The following KIF5B variants were observed in gnomAD, a reference collection of about 807,000 sequenced individuals.
KIF5B encodes kinesin-1 heavy chain.
A neutral mutation model predicts 132.8 loss-of-function variants in KIF5B; 49 were observed. That is an observed-to-expected ratio of 0.37 (90% CI 0.29 to 0.47). KIF5B has a LOEUF of 0.47. Among genes scored for constraint, KIF5B ranks in the 20% least tolerant of loss-of-function variants. KIF5B has a pLI of 1.00. For missense variants in KIF5B, 780 were observed against 1,144.0 expected (o/e 0.68, Z 4.59); for synonymous variants, 355 against 369.4 (o/e 0.96, Z 0.45).
rs1057249826 is a variant in KIF5B at position 32,056,006 on chromosome 10, C to T, written c.-33G>A. 19 of 1,598,148 alleles carry T rather than the reference C, an allele frequency of 1.2e-5. No individual in the cohort carries two copies. In the Admixed American group the frequency reaches 2.3e-4, roughly 20 times the overall value. On this transcript the variant is annotated 5_prime_UTR_variant, in exon 1 of 26. Coordinates refer to ENST00000302418, the MANE Select transcript of KIF5B (RefSeq NM_004521.3). ...GCAGCCGGGGCCGGCGGCCGGGAGC[C>T]ACTCCCCGCCGCTCAGTCTTGCAGG...
intron 1 of KIF5B, among the ~76,000 whole-genome samples, chr10:32,050,751 C>T (rs944567364): frequency 2.6e-5 from 4 of 152,148 alleles, no homozygotes; most frequent in Admixed American, 6.5e-5. Context: ...CATATGTGAA[C>T]GTATCCTTTT....
rs1841065617 is a variant in KIF5B at position 32,010,699 on chromosome 10, A to G, written c.*838T>C. ...TATTAGCTAGCAGGCTCACCAGAATAAAGCAGAGTATTTTAATTCCATCAA... is the reference window on the plus strand; with the variant it reads ...TATTAGCTAGCAGGCTCACCAGAATGAAGCAGAGTATTTTAATTCCATCAA... On this transcript the variant is annotated 3_prime_UTR_variant, in exon 26 of 26. Transcript: ENST00000302418. 1.3e-5 allele frequency: 2 copies of G among 152,230 alleles called. No homozygotes were observed. The highest frequency in any genetic ancestry group is 2.9e-5 in the Non-Finnish European group (2 of 68,018). The allele number at this position is 152,230 out of a possible 1,614,324, so 9.4% of individuals were successfully genotyped here.
At chr10:32,021,343 T>C in intron 17 of KIF5B, 56 bp from the exon 18 acceptor site, 2 of 1,256,318 alleles carry the variant, frequency 1.6e-6, no homozygotes, top group South Asian at 1.2e-5. Context: ...GTTCCTCATA[T>C]AAACCAAGGA....
At chr10:32,022,508 C>T (rs973912227) in intron 16 of KIF5B, among the ~76,000 whole-genome samples, 2 of 152,120 alleles carry the variant, frequency 1.3e-5, no homozygotes, top group Non-Finnish European at 2.9e-5. Context: ...CTAACGTTAC[C>T]ATCTTCCCTC....
intron 13 of KIF5B, among the ~76,000 whole-genome samples, chr10:32,031,665 T>C (rs1841403674): frequency 6.6e-6 from 1 of 151,706 alleles, no homozygotes; most frequent in Admixed American, 6.6e-5. Flanking sequence ...TGCAAATTAA[T>C]GTAATAAAGG....
chr10:32,032,272 G>A (rs1841412448), intron 13 of KIF5B, among the ~76,000 whole-genome samples: 1 of 152,150 alleles, frequency 6.6e-6, no homozygotes, highest in Non-Finnish European at 1.5e-5. Flanking sequence ...TAATGCTATA[G>A]TTGAAATATG....
In KIF5B at chr10:32,048,609, C is replaced by T. The variant is rs558786233; in HGVS notation, c.127-58G>A. 4 of 1,200,050 alleles carry T rather than the reference C, an allele frequency of 3.3e-6. No homozygotes were observed. In the South Asian group the frequency reaches 5.0e-5, roughly 15 times the overall value. The allele number at this position is 1,200,050 out of a possible 1,614,324, so 74.3% of individuals were successfully genotyped here. A position where few individuals can be genotyped will look rare whatever the true frequency, so the allele number is the denominator to read the frequency against. Reference sequence around the variant, plus strand: ...ATTAAAGGTAAATGAACATTTCTAACCTTTACAGATGCCATCATATAATAT... The same window carrying T: ...ATTAAAGGTAAATGAACATTTCTAATCTTTACAGATGCCATCATATAATAT... On this transcript the variant is annotated intron_variant, in intron 1 of 25. Coordinates refer to ENST00000302418, the MANE Select transcript of KIF5B (RefSeq NM_004521.3).
intron 2 of KIF5B, among the ~76,000 whole-genome samples, chr10:32,046,202 A>T (rs1435216339): frequency 6.6e-6 from 1 of 152,158 alleles, no homozygotes; most frequent in African/African-American, 2.4e-5. Flanking sequence ...GTATATTCAA[A>T]TTGCCCATGA....
At position 32,055,867 on chromosome 10, in the gene KIF5B, T is replaced by C; in HGVS notation, c.107A>G (p.Glu36Gly). ...ACTCACCGCGATCACGACCGTGTCT[T>C]CTCCCTGAAACTTGGCGATGTACTT... ...GDKYIAKFQG[E>G]DTVVIASKPY... is the part of the protein sequence containing the mutation. Residue 36 changes from glutamate to glycine, a missense_variant, in exon 1 of 26, where the codon GAA becomes GGA. Physicochemically the swap from Glu to Gly is moderately conservative, Grantham distance 98 (BLOSUM62 -2). This residue lies in a region of KIF5B where 66 missense variants were observed against 83.4 expected (regional missense o/e 0.79). Coordinates refer to ENST00000302418, the MANE Select transcript of KIF5B (RefSeq NM_004521.3). The C allele has an allele frequency of 6.2e-7, 1 of 1,612,790 alleles. No individual in the cohort carries two copies. The highest frequency in any genetic ancestry group is 1.1e-5 in the South Asian group (1 of 91,066).
In KIF5B at chr10:32,035,732, C is replaced by A. The variant is rs3764910; in HGVS notation, c.817-65G>T. The A allele has an allele frequency of 1.5e-5, 22 of 1,484,142 alleles. No homozygotes were observed. The East Asian group carries it at 3.7e-4, about 25-fold the overall frequency. The allele number at this position is 1,484,142 out of a possible 1,614,324, so 91.9% of individuals were successfully genotyped here. A position where few individuals can be genotyped will look rare whatever the true frequency, so the allele number is the denominator to read the frequency against. Reference sequence around the variant, plus strand: ...ATAAAATGTTATTATAAAATAAACTCCCAAAAGACAACTAACTTACACATA... The same window carrying A: ...ATAAAATGTTATTATAAAATAAACTACCAAAAGACAACTAACTTACACATA... On this transcript the variant is annotated intron_variant, in intron 9 of 25. Transcript: ENST00000302418.
intron 19 of KIF5B, among the ~76,000 whole-genome samples, chr10:32,020,658 T>TAG (rs1168725087): frequency 6.6e-6 from 1 of 152,126 alleles, no homozygotes; most frequent in Non-Finnish European, 1.5e-5. Context: ...TCCTGACTTC[T>TAG]AGTGATCCTC....
In KIF5B at chr10:32,031,037, TA is replaced by T. The variant is rs769566008; in HGVS notation, c.1581+35del. 1.2e-4 allele frequency: 166 copies of T among 1,441,172 alleles called. No individual in the cohort carries two copies. In the South Asian group the frequency reaches 1.8e-3, roughly 16 times the overall value. 89.3% of individuals were successfully genotyped at this position (1,441,172 alleles called of 1,614,324 possible). A position where few individuals can be genotyped will look rare whatever the true frequency, so the allele number is the denominator to read the frequency against. ...GTTTTTAGGTTAAGAATACTTGTAC[TA>T]AAGCATTAAAAAAGAAAATAAAACT... On this transcript the variant is annotated intron_variant, in intron 14 of 25. Coordinates refer to ENST00000302418, the MANE Select transcript of KIF5B (RefSeq NM_004521.3).
chr10:32,013,188 C>T (rs1232890866), intron 25 of KIF5B, among the ~76,000 whole-genome samples: 1 of 152,174 alleles, frequency 6.6e-6, no homozygotes, highest in African/African-American at 2.4e-5. Flanking sequence ...GTGTGAGCCA[C>T]TGCTCCCGGC....
intron 1 of KIF5B, among the ~76,000 whole-genome samples, chr10:32,051,591 A>G (rs925217775): frequency 4.6e-5 from 7 of 152,250 alleles, no homozygotes; most frequent in African/African-American, 1.7e-4. Context: ...ACACACAAAC[A>G]TAAAAATAAT....
chr10:32,040,186 T>A (rs1841514143), intron 3 of KIF5B, among the ~76,000 whole-genome samples, 198 bp downstream of exon 3: 2 of 152,166 alleles, frequency 1.3e-5, no homozygotes, highest in Admixed American at 1.3e-4. Context: ...TCAAATATAA[T>A]CTCAAATACA....
At chr10:32,042,728 G>T (rs111960528) in intron 2 of KIF5B, among the ~76,000 whole-genome samples, 29 of 152,240 alleles carry the variant, frequency 1.9e-4, no homozygotes, top group African/African-American at 7.0e-4. Context: ...CTCTGAACAA[G>T]TATTACTTCT....
intron 25 of KIF5B, among the ~76,000 whole-genome samples, chr10:32,013,657 T>C (rs187176398): frequency 1.2e-3 from 186 of 149,192 alleles, no homozygotes; most frequent in African/African-American, 4.4e-3. Flanking sequence ...ATTAAAAATA[T>C]AATCTTACTG....
rs180842509 is a variant in KIF5B, at chr10:32,038,018, G to A, written c.498+145C>T. The stretch of plus-strand genomic sequence containing the variant: ...CCAGCTACTCAAGAGGCTGAGGCAG[G>A]AGAACTGCTTGAACCCTGGAGGCAG... On this transcript the variant is annotated intron_variant, in intron 6 of 25. Coordinates refer to ENST00000302418, the MANE Select transcript of KIF5B (RefSeq NM_004521.3). 6.4e-4 allele frequency: 327 copies of A among 508,984 alleles called. 1 individual carries two copies. In the Middle Eastern group the frequency reaches 7.7e-3, roughly 12 times the overall value. 31.5% of individuals were successfully genotyped at this position (508,984 alleles called of 1,614,324 possible). A position where few individuals can be genotyped will look rare whatever the true frequency, so the allele number is the denominator to read the frequency against.
intron 20 of KIF5B, among the ~76,000 whole-genome samples, chr10:32,019,149 ACTG>A (rs1376973350): frequency 1.3e-4 from 20 of 152,206 alleles, no homozygotes; most frequent in Admixed American, 4.6e-4. Flanking sequence ...CATGTATTAT[ACTG>A]CTATTTATCC....
Sources: allele counts gnomAD v4.1 joint callset (sites outside exome capture counted in the v4.1 genomes callset), GRCh38; gene constraint gnomAD v4.1.1; regional missense constraint gnomAD v4.1.1; transcripts MANE v1.5; gene names NCBI Gene and HGNC (gene_info 2026-07-23, HGNC 2026-07-21).